Variants in COL25A1 observed in about 807,000 individuals in gnomAD.
The protein encoded by COL25A1 is collagen alpha-1(XXV) chain.
COL25A1 carries 103 observed loss-of-function variants against 128.4 expected under a neutral mutation model. That is an observed-to-expected ratio of 0.80 (90% CI 0.68 to 0.94). The LOEUF (loss-of-function observed/expected upper bound fraction) is 0.94, where lower values mean the gene tolerates loss of function less well. Among genes scored for constraint, COL25A1 ranks in the 40% least tolerant of loss-of-function variants. COL25A1 has a pLI of 0.00. For missense variants in COL25A1, 745 were observed against 840.0 expected (o/e 0.89, Z 1.40); for synonymous variants, 279 against 277.2 (o/e 1.01, Z -0.06).
chr4:109,133,891 G>A (rs1769454553), intron 3 of COL25A1, among the ~76,000 whole-genome samples: 1 of 152,116 alleles, frequency 6.6e-6, no homozygotes, highest in South Asian at 2.1e-4. Flanking sequence ...GAAAAGAACA[G>A]ATAATAAAAC....
At chr4:109,043,653 A>G (rs1435279807) in intron 5 of COL25A1, among the ~76,000 whole-genome samples, 1 of 152,116 alleles carries the variant, frequency 6.6e-6, no homozygotes, top group African/African-American at 2.4e-5. Flanking sequence ...GTGACCTGTG[A>G]ATATTAGAAT....
chr4:109,125,322 T>C (rs1037865449), intron 3 of COL25A1, among the ~76,000 whole-genome samples: 1 of 152,074 alleles, frequency 6.6e-6, no homozygotes, highest in African/African-American at 2.4e-5. Context: ...AATATGCAAA[T>C]TTATCCCTAG....
At chr4:109,228,583 A>C (rs960163448) in intron 3 of COL25A1, among the ~76,000 whole-genome samples, 2 of 152,140 alleles carry the variant, frequency 1.3e-5, no homozygotes, top group Non-Finnish European at 2.9e-5. Flanking sequence ...AGATCCTTAG[A>C]CGTTTTAATC....
intron 3 of COL25A1, among the ~76,000 whole-genome samples, chr4:109,091,297 A>G (rs1764871407): frequency 6.6e-6 from 1 of 152,162 alleles, no homozygotes; most frequent in Non-Finnish European, 1.5e-5. Context: ...GTGCTCACGA[A>G]TACCCTCTTC....
At chr4:108,912,961 A>C (rs184280316) in intron 13 of COL25A1, among the ~76,000 whole-genome samples, 1 of 152,288 alleles carries the variant, frequency 6.6e-6, no homozygotes, top group Admixed American at 6.5e-5. Flanking sequence ...TGATGGATTC[A>C]TAGTTGACAC....
intron 3 of COL25A1, among the ~76,000 whole-genome samples, chr4:109,052,080 A>C (rs925788280): frequency 6.6e-6 from 1 of 152,188 alleles, no homozygotes; most frequent in Admixed American, 6.6e-5. Context: ...ATTGGGAAGT[A>C]GCTTATTTGC....
intron 5 of COL25A1, among the ~76,000 whole-genome samples, chr4:109,042,120 C>T (rs1322460992): frequency 6.6e-6 from 1 of 151,940 alleles, no homozygotes; most frequent in Non-Finnish European, 1.5e-5. Context: ...CAGCTCTTTG[C>T]CCCTTACTGT....
At position 109,019,373 on chromosome 4, in the gene COL25A1, C is replaced by CAT. The variant is rs1271683280; in HGVS notation, c.421-8999_421-8998insAT. 3.6e-3 allele frequency among the ~76,000 whole-genome samples: 115 copies of CAT among 31,870 alleles called. 3 individuals are homozygous for CAT. Among genetic ancestry groups the CAT allele is most frequent in the Non-Finnish European group, 4.2e-3 (89 of 21,286 alleles). The allele number at this position is 31,870 out of a possible 152,430, so 20.9% of individuals were successfully genotyped here. A position where few individuals can be genotyped will look rare whatever the true frequency, so the allele number is the denominator to read the frequency against. On this transcript the variant is annotated intron_variant, in intron 5 of 37. Coordinates refer to ENST00000399132, the MANE Select transcript of COL25A1 (RefSeq NM_198721.4). ...ATACACACACACACACACACACACACACATATATATATATATATATATATA... is the reference window on the plus strand; with the variant it reads ...ATACACACACACACACACACACACACATACATATATATATATATATATATATA...
intron 3 of COL25A1, among the ~76,000 whole-genome samples, chr4:109,226,285 T>C (rs536855447): frequency 6.6e-6 from 1 of 152,262 alleles, no homozygotes; most frequent in South Asian, 2.1e-4. Context: ...CAATGTACCC[T>C]GGGTGATGGT....
intron 19 of COL25A1, among the ~76,000 whole-genome samples, chr4:108,875,417 T>A (rs1739326936): frequency 6.6e-6 from 1 of 152,156 alleles, no homozygotes; most frequent in African/African-American, 2.4e-5. Context: ...GAACAGACAC[T>A]TCTCAAAAGA....
chr4:109,093,064 G>C (rs1765062747), intron 3 of COL25A1, among the ~76,000 whole-genome samples: 1 of 151,696 alleles, frequency 6.6e-6, no homozygotes, highest in African/African-American at 2.4e-5. Context: ...AGGTTATACT[G>C]AACACTGGCC....
chr4:109,130,189 C>T (rs1769048682), intron 3 of COL25A1, among the ~76,000 whole-genome samples: 1 of 151,978 alleles, frequency 6.6e-6, no homozygotes. Context: ...ATAGGCCATA[C>T]TGATGAGGAT....
At chr4:109,153,282 G>A (rs1771692140) in intron 3 of COL25A1, among the ~76,000 whole-genome samples, 1 of 151,734 alleles carries the variant, frequency 6.6e-6, no homozygotes, top group South Asian at 2.1e-4. Flanking sequence ...CTACTCGGGA[G>A]GCTGAGGCAG....
intron 3 of COL25A1, among the ~76,000 whole-genome samples, chr4:109,175,381 G>A (rs1020131730): frequency 6.6e-6 from 1 of 152,162 alleles, no homozygotes; most frequent in Non-Finnish European, 1.5e-5. Context: ...ATTCCACAAA[G>A]TAATCATTAT....
intron 3 of COL25A1, among the ~76,000 whole-genome samples, chr4:109,156,633 C>G (rs6533415): frequency 0.055 from 8,401 of 152,028 alleles, 379 homozygotes; most frequent in African/African-American, 0.12. Flanking sequence ...AAACTAAGGC[C>G]TGTTTGAAGA....
chr4:109,123,811 C>T lies in COL25A1; in HGVS notation c.368-73632G>A, dbSNP rs144876987. Among the ~76,000 whole-genome samples the T allele has an allele frequency of 9.6e-3, 1,465 of 152,152 alleles. 15 individuals carry two copies. The highest frequency in any genetic ancestry group is 0.017 in the Middle Eastern group (5 of 294). ...ATAGGCCTCGGTTCTACAGCCATCACGGATTATTCCTCCCTCTTTAGGATT... is the reference window on the plus strand; with the variant it reads ...ATAGGCCTCGGTTCTACAGCCATCATGGATTATTCCTCCCTCTTTAGGATT... On this transcript the variant is annotated intron_variant, in intron 3 of 37. Coordinates refer to ENST00000399132, the MANE Select transcript of COL25A1 (RefSeq NM_198721.4).
chr4:109,213,461 C>T (rs1404118764), intron 3 of COL25A1, among the ~76,000 whole-genome samples: 1 of 152,120 alleles, frequency 6.6e-6, no homozygotes, highest in African/African-American at 2.4e-5. Flanking sequence ...TCTGTCTTTT[C>T]GTGATACTTG....
chr4:108,814,664 TG>T (rs1173929505), intron 37 of COL25A1, among the ~76,000 whole-genome samples: 1 of 152,234 alleles, frequency 6.6e-6, no homozygotes, highest in Non-Finnish European at 1.5e-5. Flanking sequence ...CAGAGGTCTT[TG>T]AGATATACAC....
chr4:109,233,017 AT>A (rs1779254009), intron 3 of COL25A1, among the ~76,000 whole-genome samples: 1 of 152,216 alleles, frequency 6.6e-6, no homozygotes, highest in Non-Finnish European at 1.5e-5. Flanking sequence ...AAATGATAGA[AT>A]TGGACCAAAT....
Sources: gnomAD v4.1 joint callset for allele counts (sites outside exome capture counted in the v4.1 genomes callset) on GRCh38, gnomAD v4.1.1 for gene constraint, MANE v1.5 for transcripts, NCBI Gene and HGNC (gene_info 2026-07-23, HGNC 2026-07-21) for gene names.